CENPI: variants seen among roughly 807,000 people sequenced by gnomAD.
The protein encoded by CENPI is centromere protein I.
CENPI carries 4 observed loss-of-function variants against 60.4 expected under a neutral mutation model. That is an observed-to-expected ratio of 0.07 (90% CI 0.03 to 0.15). CENPI has a LOEUF of 0.15. Among genes scored for constraint, CENPI ranks in the 10% least tolerant of loss-of-function variants. The pLI is 1.00. For synonymous variants in CENPI, 157 were observed against 189.4 expected, an observed-to-expected ratio of 0.83 and a Z score of 1.40; for missense variants, 444 against 534.5, an observed-to-expected ratio of 0.83 and a Z score of 1.67.
At chrX:101,122,870 AAAACAAACAAAC>A (rs767723252) in intron 8 of CENPI, among the ~76,000 whole-genome samples, 1 of 111,721 alleles carries the variant, frequency 9.0e-6, no homozygotes, top group African/African-American at 3.3e-5. Flanking sequence ...CGTCTCCAAA[AAAACAAACAAAC>A]AAACAAACAA....
At position 101,147,939 on chromosome X, in the gene CENPI, T is replaced by C; in HGVS notation, c.1876-4T>C. On this transcript the variant is annotated splice_region_variant and splice_polypyrimidine_tract_variant and intron_variant, in intron 19 of 21. Transcript: ENST00000682095. ...GTGACAATTTTTTATTTCTTTCCCA[T>C]TAGACAAAATCAGAGTTCAATTTCA... 8.3e-7 allele frequency: 1 copy of C among 1,202,087 alleles called. No individual in the cohort carries two copies. The highest frequency in any genetic ancestry group is 1.1e-6 in the Non-Finnish European group (1 of 887,849).
At chrX:101,111,722 G>C (rs1281300789) in intron 6 of CENPI, among the ~76,000 whole-genome samples, 1 of 111,563 alleles carries the variant, frequency 9.0e-6, no homozygotes, top group Non-Finnish European at 1.9e-5. Context: ...AGCCAAACTA[G>C]CTCCATTTTT....
At chrX:101,108,377 A>C (rs1272958644) in intron 4 of CENPI, among the ~76,000 whole-genome samples, 2 of 106,274 alleles carry the variant, frequency 1.9e-5, no homozygotes, top group Non-Finnish European at 3.9e-5. Flanking sequence ...TTTTTTTCCC[A>C]TAGAGACGGG....
At chrX:101,142,830 T>A (rs1421366258) in intron 16 of CENPI, among the ~76,000 whole-genome samples, 2 of 111,322 alleles carry the variant, frequency 1.8e-5, no homozygotes, top group East Asian at 5.6e-4. Context: ...CCCAGCACTT[T>A]GAGAGGCTGA....
chrX:101,178,398 C>CTTCTT, the CENPI span, among the ~76,000 whole-genome samples: 2,005 of 40,100 alleles, frequency 0.05, 257 homozygotes, highest in Non-Finnish European at 0.08. Flanking sequence ...TTTTCTTCTT[C>CTTCTT]TTTTTTTTTT....
intron 15 of CENPI, among the ~76,000 whole-genome samples, chrX:101,133,521 C>G (rs1222166956): frequency 9.3e-6 from 1 of 107,078 alleles, no homozygotes; most frequent in Admixed American, 1.0e-4. Flanking sequence ...CATTCAGACA[C>G]GTATATTTGA....
intron 12 of CENPI, among the ~76,000 whole-genome samples, chrX:101,129,298 G>A (rs1205892064): frequency 1.9e-4 from 21 of 111,348 alleles, no homozygotes; most frequent in Non-Finnish European, 3.8e-5. Context: ...GTCATTAGAA[G>A]ATTTCTTAAT....
At position 101,140,616 on chromosome X, in the gene CENPI, G is replaced by A. The variant is rs1161546598; in HGVS notation, c.1471-50G>A. The A allele has an allele frequency of 1.3e-5, 12 of 911,827 alleles. No homozygotes were observed. The South Asian group carries it at 1.8e-4, about 14-fold the overall frequency. The allele number at this position is 911,827 out of a possible 1,213,427, so 75.1% of individuals were successfully genotyped here. A position where few individuals can be genotyped will look rare whatever the true frequency, so the allele number is the denominator to read the frequency against. ...TAAGCCTCTGTTAGTTCTGAACACT[G>A]TTATGTCTGAATGATTTCATGAAAT... On this transcript the variant is annotated intron_variant, in intron 15 of 21. Coordinates refer to ENST00000682095, the MANE Select transcript of CENPI (RefSeq NM_001386188.2).
rs1348779628 is a variant in CENPI at position 101,162,301 on chromosome X, A to G, written c.2137-532A>G. 3.8e-5 allele frequency among the ~76,000 whole-genome samples: 4 copies of G among 106,556 alleles called. No individual in the cohort carries two copies. The East Asian group carries it at 1.2e-3, about 31-fold the overall frequency. The allele number at this position is 106,556 out of a possible 115,157, so 92.5% of individuals were successfully genotyped here. ...GACCATGCCTGTACTAAAATTTTAA[A>G]AAATTAGCCAGGCATAGTGGCACGT... On this transcript the variant is annotated intron_variant, in intron 21 of 21. Coordinates refer to ENST00000682095, the MANE Select transcript of CENPI (RefSeq NM_001386188.2).
At chrX:101,135,243 T>G (rs756461105) in intron 15 of CENPI, among the ~76,000 whole-genome samples, 1 of 110,792 alleles carries the variant, frequency 9.0e-6, no homozygotes, top group African/African-American at 3.3e-5. Context: ...GAAGGTTATT[T>G]GATTCAAAGT....
At chrX:101,156,750 G>GTT (rs11454277) in intron 20 of CENPI, among the ~76,000 whole-genome samples, 15 of 104,000 alleles carry the variant, frequency 1.4e-4, no homozygotes, top group South Asian at 4.3e-4. Flanking sequence ...AATATACGAT[G>GTT]TTTTTTTTTT....
At chrX:101,145,761 T>G (rs2089956513) in intron 17 of CENPI, among the ~76,000 whole-genome samples, 1 of 109,843 alleles carries the variant, frequency 9.1e-6, no homozygotes, top group Admixed American at 9.8e-5. Flanking sequence ...CTCTCTTTAC[T>G]AATACCTAGT....
the CENPI span, among the ~76,000 whole-genome samples, chrX:101,179,871 T>C: frequency 8.9e-6 from 1 of 112,165 alleles, no homozygotes; most frequent in Non-Finnish European, 1.9e-5. Context: ...TACTAGACCT[T>C]ATGGTAATTC....
rs766637395 is a variant in CENPI at position 101,149,338 on chromosome X, A to G, written c.2094+1177A>G. ...CAGATGGCTATAGTTGTATTCCAGT[A>G]AAAAATTTATTTACAAAACAGGTGT... On this transcript the variant is annotated intron_variant, in intron 20 of 21. Transcript: ENST00000682095. 4.6e-4 allele frequency among the ~76,000 whole-genome samples: 51 copies of G among 111,272 alleles called. No homozygotes were observed. The South Asian group carries it at 0.014, about 32-fold the overall frequency.
intron 4 of CENPI, among the ~76,000 whole-genome samples, chrX:101,107,329 A>C (rs1256559238): frequency 7.6e-5 from 8 of 105,801 alleles, no homozygotes; most frequent in Non-Finnish European, 1.4e-4. Context: ...TGGAGGTATA[A>C]TTTACATACC....
intron 20 of CENPI, among the ~76,000 whole-genome samples, chrX:101,152,873 A>G (rs915328033): frequency 1.8e-5 from 2 of 110,114 alleles, no homozygotes; most frequent in African/African-American, 6.6e-5. Context: ...GTGATTATGA[A>G]TAAGTATTCT....
chrX:101,110,021 T>C, intron 6 of CENPI, 23 bp downstream of exon 6: 2 of 948,330 alleles, frequency 2.1e-6, no homozygotes, highest in Non-Finnish European at 3.0e-6. Context: ...TGGACAGCAT[T>C]AGGCATCAAT....
chrX:101,156,705 G>A (rs978168559), intron 20 of CENPI, among the ~76,000 whole-genome samples: 1 of 107,933 alleles, frequency 9.3e-6, no homozygotes, highest in Non-Finnish European at 1.9e-5. Context: ...TTATGCCCTT[G>A]CATCCTCACA....
chrX:101,119,017 C>G (rs2148169658), intron 6 of CENPI, among the ~76,000 whole-genome samples: 1 of 110,549 alleles, frequency 9.0e-6, no homozygotes, highest in South Asian at 3.9e-4. Flanking sequence ...CCTGTCTCTA[C>G]TAAAAGTACA....
Sources: gnomAD v4.1 joint callset for allele counts (sites outside exome capture counted in the v4.1 genomes callset) on GRCh38, gnomAD v4.1.1 for gene constraint, MANE v1.5 for transcripts, NCBI Gene and HGNC (gene_info 2026-07-23, HGNC 2026-07-21) for gene names.